The following USH2A variants were observed in gnomAD, a reference collection of about 807,000 sequenced individuals.
USH2A encodes the protein Usher syndrome 2A (autosomal recessive, mild).
Under a neutral mutation model 538.9 loss-of-function variants are expected in USH2A, and 443 were observed. The observed-to-expected ratio is 0.82, with a 90% CI of 0.76 to 0.89. USH2A has a LOEUF of 0.89. Ranked by LOEUF, USH2A falls within the 40% of genes least tolerant of loss-of-function variation. USH2A has a pLI of 0.00. For missense variants in USH2A, 6,633 were observed against 6,324.8 expected, an observed-to-expected ratio of 1.05 and a Z score of -1.65; for synonymous variants, 2,413 against 2,273.5, an observed-to-expected ratio of 1.06 and a Z score of -1.75.
chr1:216,070,079 T>G (rs1450501034), intron 30 of USH2A, 22 bp downstream of exon 30: 5 of 1,613,130 alleles, frequency 3.1e-6, no homozygotes, highest in East Asian at 4.5e-5. Flanking sequence ...TAGGGTCTAC[T>G]CTGTTAAAGG....
At chr1:215,912,495 A>ATATATATACG (rs1665826997) in intron 38 of USH2A, among the ~76,000 whole-genome samples, 3 of 21,968 alleles carry the variant, frequency 1.4e-4, no homozygotes, top group Non-Finnish European at 2.0e-4. Context: ...ATATATGTGT[A>ATATATATACG]TATATATATA....
In USH2A at chr1:215,779,975, C is replaced by T. The variant is rs539580993; in HGVS notation, c.10807G>A (p.Ala3603Thr). 45 of 1,614,142 alleles carry T rather than the reference C, an allele frequency of 2.8e-5. No homozygotes were observed. The Middle Eastern group carries it at 4.9e-4, about 18-fold the overall frequency. The change falls in exon 55 of 72, where the codon GCA becomes ACA. Residue 3603 changes from alanine (A) to threonine (T), a missense_variant. Physicochemically the swap from Ala to Thr is moderately conservative, Grantham distance 58. Transcript: ENST00000307340. The part of the protein sequence containing the change: ...ILPPSITALS[A>T]VALHLSWSVP... ...CTCCAGCTCAGATGCAGAGCCACTG[C>T]ACTTAGGGCTGTGATGCTTGGTGGC...
intron 38 of USH2A, among the ~76,000 whole-genome samples, chr1:215,911,852 A>G (rs774925620): frequency 1.1e-4 from 17 of 152,018 alleles, no homozygotes; most frequent in Non-Finnish European, 1.9e-4. Flanking sequence ...CCCTTTCTCC[A>G]CATCCTTGAC....
chr1:215,774,348 A>T (rs1475806231), intron 55 of USH2A, among the ~76,000 whole-genome samples: 1 of 151,838 alleles, frequency 6.6e-6, no homozygotes, highest in African/African-American at 2.4e-5. Context: ...CTTCTTTGGC[A>T]GACTCTCTTT....
At chr1:215,734,254 C>T (rs549095927) in intron 60 of USH2A, among the ~76,000 whole-genome samples, 48 of 152,250 alleles carry the variant, frequency 3.2e-4, no homozygotes, top group African/African-American at 1.1e-3. Flanking sequence ...TGAGGCCCTT[C>T]GAGCTGCAGC....
At chr1:215,867,280 A>G in intron 43 of USH2A, 110 bp from the exon 44 acceptor site, 1 of 1,167,238 alleles carries the variant, frequency 8.6e-7, no homozygotes, top group Non-Finnish European at 1.2e-6. Context: ...CCACCCCTCT[A>G]CAAAATACTG....
At chr1:215,768,464 C>T (rs1026712300) in intron 55 of USH2A, among the ~76,000 whole-genome samples, 1 of 132,762 alleles carries the variant, frequency 7.5e-6, no homozygotes, top group Non-Finnish European at 1.5e-5. Context: ...GCTTCAGAGC[C>T]CTTTGTATTT....
At chr1:216,383,317 C>T (rs916210766) in intron 3 of USH2A, among the ~76,000 whole-genome samples, 2 of 152,134 alleles carry the variant, frequency 1.3e-5, no homozygotes, top group African/African-American at 4.8e-5. Flanking sequence ...GGCCATGTTC[C>T]TTTTCAGAAT....
chr1:215,754,658 C>T (rs1276291290), intron 58 of USH2A, among the ~76,000 whole-genome samples: 2 of 150,850 alleles, frequency 1.3e-5, no homozygotes, highest in African/African-American at 5.0e-5. Context: ...CTAACACTAA[C>T]AATAGCTGAT....
rs113891924 is a variant in USH2A at position 216,099,970 on chromosome 1, A to C, written c.4628-2757T>G. On this transcript the variant is annotated intron_variant, in intron 21 of 71. Coordinates refer to ENST00000307340, the MANE Select transcript of USH2A (RefSeq NM_206933.4). ...CCATGTCTAAGAGACAGATTGTAGA[A>C]AAAGAACAAGAGCCTTTAATGGAAA... Among the ~76,000 whole-genome samples the C allele has an allele frequency of 3.3e-5, 5 of 152,320 alleles. 1 individual carries two copies. Among genetic ancestry groups the C allele is most frequent in the African/African-American group, 1.2e-4 (5 of 41,568 alleles).
At chr1:216,344,425 G>A (rs150512721) in intron 4 of USH2A, among the ~76,000 whole-genome samples, 1 of 152,054 alleles carries the variant, frequency 6.6e-6, no homozygotes. Flanking sequence ...CACCTAATTT[G>A]CTCAAGGTTC....
At chr1:216,109,648 T>C (rs1457032147) in intron 21 of USH2A, among the ~76,000 whole-genome samples, 1 of 152,216 alleles carries the variant, frequency 6.6e-6, no homozygotes, top group African/African-American at 2.4e-5. Context: ...AACTGTTTTA[T>C]ATATATTTCT....
At chr1:215,875,949 G>T (rs1664756550) in intron 43 of USH2A, among the ~76,000 whole-genome samples, 3 of 129,228 alleles carry the variant, frequency 2.3e-5, no homozygotes, top group African/African-American at 5.6e-5. Flanking sequence ...AATTAATAAT[G>T]TATATAATAT....
intron 38 of USH2A, among the ~76,000 whole-genome samples, chr1:215,927,506 A>G (rs187580400): frequency 1.3e-5 from 2 of 152,288 alleles, no homozygotes; most frequent in Admixed American, 1.3e-4. Context: ...TGTGTTTAAT[A>G]TATATTTAAA....
chr1:216,146,500 T>G (rs1465293850), intron 21 of USH2A, among the ~76,000 whole-genome samples: 1 of 152,090 alleles, frequency 6.6e-6, no homozygotes. Flanking sequence ...CCTTCACCCT[T>G]AGCGCCAAGT....
intron 49 of USH2A, among the ~76,000 whole-genome samples, chr1:215,809,269 A>T (rs1662590685): frequency 6.6e-6 from 1 of 152,186 alleles, no homozygotes; most frequent in Non-Finnish European, 1.5e-5. Context: ...ACAACAGTTA[A>T]TTAAACACCA....
chr1:215,923,233 A>G lies in USH2A; in HGVS notation c.7300+11383T>C, dbSNP rs950359204. Among the ~76,000 whole-genome samples the G allele has an allele frequency of 7.2e-5, 11 of 152,050 alleles. No homozygotes were observed. In the East Asian group the frequency reaches 1.9e-3, roughly 27 times the overall value. ...TAGAGGCTTAAGCAATGAGATGGGT[A>G]GTGGGTTCCTGTAATCAACAAACAA... On this transcript the variant is annotated intron_variant, in intron 38 of 71. Coordinates refer to ENST00000307340, the MANE Select transcript of USH2A (RefSeq NM_206933.4).
chr1:215,920,238 A>G (rs1571813759), intron 38 of USH2A, among the ~76,000 whole-genome samples: 1 of 152,146 alleles, frequency 6.6e-6, no homozygotes, highest in South Asian at 2.1e-4. Flanking sequence ...AATACATGAG[A>G]CAGAGGGAGA....
chr1:216,213,281 A>T (rs530978637), intron 15 of USH2A, among the ~76,000 whole-genome samples: 1 of 152,100 alleles, frequency 6.6e-6, no homozygotes, highest in Non-Finnish European at 1.5e-5. Flanking sequence ...GAATCATATC[A>T]TCTACAAGTA....
Sources: allele counts gnomAD v4.1 joint callset (sites outside exome capture counted in the v4.1 genomes callset), GRCh38; gene constraint gnomAD v4.1.1; transcripts MANE v1.5; gene names NCBI Gene and HGNC (gene_info 2026-07-23, HGNC 2026-07-21).